The following TMTC2 variants were observed in gnomAD, a reference collection of about 807,000 sequenced individuals.
TMTC2 encodes the protein transmembrane O-mannosyltransferase targeting cadherins 2.
A neutral mutation model predicts 82.4 loss-of-function variants in TMTC2; 43 were observed. The observed-to-expected ratio is 0.52, with a 90% CI of 0.41 to 0.67. The LOEUF (loss-of-function observed/expected upper bound fraction) is 0.67, where lower values mean the gene tolerates loss of function less well. Ranked by LOEUF, TMTC2 falls within the 30% of genes least tolerant of loss-of-function variation. TMTC2 has a pLI of 0.00. For synonymous variants in TMTC2, 408 were observed against 381.9 expected (o/e 1.07, Z -0.80); for missense variants, 919 against 1,012.4 (o/e 0.91, Z 1.25).
At chr12:83,019,692 A>G (rs901677254) in intron 8 of TMTC2, among the ~76,000 whole-genome samples, 10 of 152,258 alleles carry the variant, frequency 6.6e-5, no homozygotes, top group East Asian at 1.9e-4. Flanking sequence ...ACCTCTTTGC[A>G]TTATCTCTGT....
intron 4 of TMTC2, among the ~76,000 whole-genome samples, chr12:82,946,164 A>G (rs2137270462): frequency 6.7e-6 from 1 of 150,246 alleles, no homozygotes; most frequent in South Asian, 2.1e-4. Context: ...CTAGTGAACT[A>G]TATAATTTAC....
At chr12:82,938,283 T>C (rs1238110361) in intron 4 of TMTC2, among the ~76,000 whole-genome samples, 2 of 152,024 alleles carry the variant, frequency 1.3e-5, no homozygotes, top group African/African-American at 2.4e-5. Flanking sequence ...TTTGAGAATA[T>C]TTGAGAGGTT....
intron 11 of TMTC2, among the ~76,000 whole-genome samples, chr12:83,075,785 CCTTTCTACTCTAGATGTCTTTT>C (rs1356977608): frequency 6.6e-6 from 1 of 152,204 alleles, no homozygotes; most frequent in South Asian, 2.1e-4. Context: ...TCTTCAAACT[CCTTTCTACTCTAGATGTCTTTT>C]CCAAATTATG....
intron 8 of TMTC2, among the ~76,000 whole-genome samples, chr12:83,025,730 A>G (rs775053637): frequency 6.6e-6 from 1 of 152,186 alleles, no homozygotes; most frequent in Non-Finnish European, 1.5e-5. Context: ...TACAAATTGG[A>G]GGTTCCCATG....
rs371503720 is a variant in TMTC2, at chr12:83,095,737, T to A, written c.2331+33906T>A. Among the ~76,000 whole-genome samples the A allele has an allele frequency of 1.1e-4, 16 of 152,290 alleles. 1 individual carries two copies. Among genetic ancestry groups the A allele is most frequent in the African/African-American group, 3.1e-4 (13 of 41,550 alleles). The stretch of plus-strand genomic sequence containing the variant: ...TAGATCACTGTAATGAACAAACTGA[T>A]TTATATTTAGTAACTTCCATTTGCA... On this transcript the variant is annotated intron_variant, in intron 11 of 11. Coordinates refer to ENST00000321196, the MANE Select transcript of TMTC2 (RefSeq NM_152588.3).
At chr12:82,822,737 G>C (rs996795634) in intron 1 of TMTC2, among the ~76,000 whole-genome samples, 4 of 152,128 alleles carry the variant, frequency 2.6e-5, no homozygotes, top group African/African-American at 9.7e-5. Flanking sequence ...TTTTGACAAT[G>C]GTACTAAAAA....
intron 7 of TMTC2, among the ~76,000 whole-genome samples, chr12:82,978,960 T>A (rs1175457084): frequency 6.6e-6 from 1 of 151,684 alleles, no homozygotes; most frequent in Non-Finnish European, 1.5e-5. Flanking sequence ...TTTTTATAGT[T>A]TCTGTCTTGA....
intron 10 of TMTC2, among the ~76,000 whole-genome samples, chr12:83,055,439 TA>T (rs1162499810): frequency 2.0e-5 from 3 of 152,098 alleles, no homozygotes; most frequent in African/African-American, 7.2e-5. Context: ...GATGAGAGCA[TA>T]AAAAAGCAGA....
intron 1 of TMTC2, among the ~76,000 whole-genome samples, chr12:82,741,236 T>G (rs538866757): frequency 6.6e-6 from 1 of 152,188 alleles, no homozygotes; most frequent in Admixed American, 6.5e-5. Context: ...CCTGAGGTGG[T>G]TTGTTTGTTT....
intron 3 of TMTC2, among the ~76,000 whole-genome samples, chr12:82,914,922 T>C (rs1565807595): frequency 2.0e-5 from 3 of 149,782 alleles, no homozygotes; most frequent in East Asian, 3.9e-4. Context: ...GCCTCCCAGG[T>C]TCAAGTGATT....
intron 3 of TMTC2, among the ~76,000 whole-genome samples, chr12:82,910,220 G>A (rs2137207395): frequency 6.6e-6 from 1 of 152,288 alleles, no homozygotes; most frequent in East Asian, 1.9e-4. Context: ...ATTTGATGTA[G>A]AGGAAGTGTG....
At chr12:82,970,386 C>A (rs1419924719) in intron 7 of TMTC2, among the ~76,000 whole-genome samples, 1 of 152,174 alleles carries the variant, frequency 6.6e-6, no homozygotes, top group Non-Finnish European at 1.5e-5. Context: ...CTGCGGACTG[C>A]AGTGGCGCAA....
chr12:82,721,837 G>T (rs1565721673), intron 1 of TMTC2, among the ~76,000 whole-genome samples: 1 of 152,106 alleles, frequency 6.6e-6, no homozygotes, highest in Admixed American at 6.6e-5. Context: ...ATTCACAATT[G>T]TGTTTGCCTC....
intron 9 of TMTC2, among the ~76,000 whole-genome samples, chr12:83,040,849 T>C (rs914584112): frequency 2.0e-5 from 3 of 152,018 alleles, no homozygotes; most frequent in Non-Finnish European, 2.9e-5. Flanking sequence ...CACGCCCGGC[T>C]AATTTTTTTG....
At chr12:82,726,194 A>G (rs762018841) in intron 1 of TMTC2, among the ~76,000 whole-genome samples, 1 of 152,214 alleles carries the variant, frequency 6.6e-6, no homozygotes, top group Non-Finnish European at 1.5e-5. Flanking sequence ...AAATAAACCC[A>G]TCTGATGAGA....
At chr12:82,883,528 G>T (rs2137159323) in intron 2 of TMTC2, among the ~76,000 whole-genome samples, 1 of 152,290 alleles carries the variant, frequency 6.6e-6, no homozygotes, top group African/African-American at 2.4e-5. Context: ...ACTGAGTGAA[G>T]TCTCATTATA....
chr12:82,710,595 G>T (rs918919115), intron 1 of TMTC2, among the ~76,000 whole-genome samples: 5 of 152,164 alleles, frequency 3.3e-5, no homozygotes, highest in African/African-American at 4.8e-5. Context: ...CATGAGTAAT[G>T]AATTAAAAGA....
chr12:82,806,961 A>G (rs1342082083), intron 1 of TMTC2, among the ~76,000 whole-genome samples: 1 of 152,130 alleles, frequency 6.6e-6, no homozygotes, highest in Non-Finnish European at 1.5e-5. Flanking sequence ...ATGAAAATCT[A>G]CCCATGATTT....
chr12:82,967,980 A>G (rs1406636946), intron 7 of TMTC2, among the ~76,000 whole-genome samples: 1 of 152,032 alleles, frequency 6.6e-6, no homozygotes, highest in African/African-American at 2.4e-5. Flanking sequence ...AAAAATCCCA[A>G]ACCTCTCCCA....
Sources: allele counts gnomAD v4.1 joint callset (sites outside exome capture counted in the v4.1 genomes callset), GRCh38; gene constraint gnomAD v4.1.1; transcripts MANE v1.5; gene names NCBI Gene and HGNC (gene_info 2026-07-23, HGNC 2026-07-21).